PMPCB: variants seen among roughly 807,000 people sequenced by gnomAD.
The protein encoded by PMPCB is peptidase, mitochondrial processing subunit beta.
In PMPCB, 46 loss-of-function variants were observed where a neutral mutation model predicts 61.5. The observed-to-expected ratio is 0.75, with a 90% confidence interval of 0.59 to 0.96. The LOEUF (loss-of-function observed/expected upper bound fraction) is 0.96. PMPCB is among the 40% of genes least tolerant of loss of function. The pLI is 0.00. For missense variants in PMPCB, 590 were observed against 602.4 expected (o/e 0.98, Z 0.22); for synonymous variants, 191 against 201.6 (o/e 0.95, Z 0.44).
At chr7:103,327,733 T>C (rs1818782239) in intron 12 of PMPCB, 1 of 1,613,266 alleles carries the variant, frequency 6.2e-7, no homozygotes, top group Non-Finnish European at 8.5e-7. Context: ...GTCTGGGTGA[T>C]GTTTTAAAAC....
At chr7:103,303,768 AT>A in intron 4 of PMPCB, 73 bp from the exon 5 acceptor site, 1 of 1,012,162 alleles carries the variant, frequency 9.9e-7, no homozygotes, top group South Asian at 1.6e-5. Context: ...ATGATTTCTG[AT>A]TTTGGTTTAA....
intron 12 of PMPCB, chr7:103,319,802 T>C (rs1186932415): frequency 3.7e-6 from 6 of 1,614,080 alleles, no homozygotes; most frequent in Middle Eastern, 1.6e-4. Context: ...TCTTCCATCA[T>C]TTTAACCCGC....
chr7:103,325,622 A>G (rs1387668573), intron 12 of PMPCB, among the ~76,000 whole-genome samples: 1 of 152,232 alleles, frequency 6.6e-6, no homozygotes, highest in Non-Finnish European at 1.5e-5. Context: ...GAATCTTTCC[A>G]GGTGGAACTC....
intron 12 of PMPCB, among the ~76,000 whole-genome samples, chr7:103,323,952 T>A (rs796959225): frequency 1.3e-5 from 2 of 152,222 alleles, no homozygotes; most frequent in Non-Finnish European, 2.9e-5. Context: ...TTCGCTAGTC[T>A]GTCAAGTCTG....
intron 7 of PMPCB, 64 bp downstream of exon 7, chr7:103,307,772 G>A: frequency 1.1e-6 from 1 of 875,918 alleles, no homozygotes; most frequent in Non-Finnish European, 1.9e-6. Context: ...TTACACATAA[G>A]TAAACAAAAT....
the PMPCB span, among the ~76,000 whole-genome samples, chr7:103,338,646 T>C: frequency 1.3e-5 from 2 of 151,920 alleles, no homozygotes; most frequent in African/African-American, 4.8e-5. Context: ...GCATGCCAGC[T>C]TACGCCTGTA....
rs370642071 is a variant in PMPCB at position 103,326,517 on chromosome 7, T to C, written c.*1432-2414T>C. ...CAATAAACAAGCCAACAGGGCACTATGATCAAAAGGGATGCCTTAACTTAC... is the reference window on the plus strand; with the variant it reads ...CAATAAACAAGCCAACAGGGCACTACGATCAAAAGGGATGCCTTAACTTAC... On this transcript the variant is annotated intron_variant and NMD_transcript_variant, in intron 12 of 12. Coordinates refer to the PMPCB transcript ENST00000444457. 50 of 1,612,724 alleles carry C rather than the reference T, an allele frequency of 3.1e-5. No homozygotes were observed. In the African/African-American group the frequency reaches 6.3e-4, roughly 20 times the overall value.
At chr7:103,326,771 A>C in intron 12 of PMPCB, 1 of 1,311,944 alleles carries the variant, frequency 7.6e-7, no homozygotes, top group Non-Finnish European at 1.0e-6. Context: ...CTTAAAACAT[A>C]GAAGTCATTA....
chr7:103,315,315 G>GCTCT (rs1409325467), downstream of PMPCB, among the ~76,000 whole-genome samples: 5 of 151,830 alleles, frequency 3.3e-5, no homozygotes, highest in African/African-American at 1.2e-4. Context: ...TTTCATATTT[G>GCTCT]CTAATTATTT....
chr7:103,322,370 A>G (rs897360669), intron 12 of PMPCB: 1 of 926,978 alleles, frequency 1.1e-6, no homozygotes, highest in Non-Finnish European at 1.6e-6. Context: ...AATTATACCA[A>G]CTGGTCATGA....
chr7:103,327,432 T>G (rs1006634944), intron 12 of PMPCB: 13 of 834,050 alleles, frequency 1.6e-5, no homozygotes, highest in African/African-American at 8.6e-5. Flanking sequence ...TGAGACTGCA[T>G]TTCTAATAAG....
chr7:103,300,161 T>C lies in PMPCB; in HGVS notation c.328-17T>C. 1.2e-6 allele frequency: 2 copies of C among 1,604,608 alleles called. No individual in the cohort carries two copies. The highest frequency in any genetic ancestry group is 1.7e-6 in the Non-Finnish European group (2 of 1,175,698). ...AAAGGGAGTTTGCATAATTTGTTTT[T>C]CCTCTTTTATTTCAAGGGCACCAAG... On this transcript the variant is annotated splice_polypyrimidine_tract_variant and intron_variant, in intron 3 of 12. Coordinates refer to ENST00000249269, the MANE Select transcript of PMPCB (RefSeq NM_004279.3).
chr7:103,312,122 G>A lies in PMPCB; in HGVS notation c.1396G>A (p.Ala466Thr). The A allele has an allele frequency of 6.2e-7, 1 of 1,614,056 alleles. No individual in the cohort carries two copies. The change falls in exon 12 of 13, where the codon GCT becomes ACT. Residue 466 changes from alanine (A) to threonine (T), a missense_variant. Physicochemically the swap from Ala to Thr is moderately conservative, Grantham distance 58. Coordinates refer to ENST00000249269, the MANE Select transcript of PMPCB (RefSeq NM_004279.3). ...CATTTATAATAGGAGTCCAGCTATT[G>A]CTGCTGTTGGTAAGCCTGGCTTCTT... is the stretch of plus-strand genomic sequence containing the variant. ...KYIYNRSPAI[A>T]AVGPIKQLPD...
chr7:103,343,946 G>T, the PMPCB span, among the ~76,000 whole-genome samples: 1 of 152,214 alleles, frequency 6.6e-6, no homozygotes, highest in Non-Finnish European at 1.5e-5. Flanking sequence ...CACTGGACCT[G>T]AAGACTCTTA....
chr7:103,300,266 C>T lies in PMPCB; in HGVS notation c.416C>T (p.Thr139Ile), dbSNP rs747613494. ...AATGCCTATACCTCCAGAGAGCAGACTGTATACTATGCCAAAGCATTCTCT... is the reference window on the plus strand; with the variant it reads ...AATGCCTATACCTCCAGAGAGCAGATTGTATACTATGCCAAAGCATTCTCT... Reference protein sequence around the residue: ...HLNAYTSREQTVYYAKAFSKD... With the variant: ...HLNAYTSREQIVYYAKAFSKD... The change falls in exon 4 of 13, where the codon ACT becomes ATT. Residue 139 changes from threonine to isoleucine, a missense_variant. By Grantham distance (89) the Thr-to-Ile change is moderately conservative (BLOSUM62 -1). Coordinates refer to ENST00000249269, the MANE Select transcript of PMPCB (RefSeq NM_004279.3). The T allele has an allele frequency of 1.2e-6, 2 of 1,611,658 alleles. No individual in the cohort carries two copies. The highest frequency in any genetic ancestry group is 1.7e-6 in the Non-Finnish European group (2 of 1,178,136).
rs573633636 is a variant in PMPCB, at chr7:103,306,676, C to T, written c.737-920C>T. 1.4e-4 allele frequency among the ~76,000 whole-genome samples: 21 copies of T among 152,170 alleles called. 1 individual carries two copies. Among genetic ancestry groups the T allele is most frequent in the Middle Eastern group, 6.8e-3 (2 of 294 alleles). On this transcript the variant is annotated intron_variant, in intron 6 of 12. Coordinates refer to ENST00000249269, the MANE Select transcript of PMPCB (RefSeq NM_004279.3). ...TTGGGATTACAGGCGTGAGCCACCA[C>T]ACCAGGCCCTGTTCCTGAGTTCTGA...
intron 12 of PMPCB, among the ~76,000 whole-genome samples, chr7:103,326,955 A>G (rs1818739659): frequency 6.6e-6 from 1 of 152,224 alleles, no homozygotes; most frequent in Non-Finnish European, 1.5e-5. Flanking sequence ...CTCTGGGGAA[A>G]AAGAAATAGC....
the PMPCB span, among the ~76,000 whole-genome samples, chr7:103,346,943 T>TG: frequency 7.2e-5 from 11 of 152,232 alleles, no homozygotes; most frequent in Admixed American, 6.5e-4. Flanking sequence ...TCATGACTAA[T>TG]GCTGCTTATG....
chr7:103,297,762 C>T, intron 1 of PMPCB: 1 of 1,532,946 alleles, frequency 6.5e-7, no homozygotes, highest in Non-Finnish European at 8.7e-7. Flanking sequence ...CTGCTAGTGA[C>T]GTGTGGGATG....
Sources: gnomAD v4.1 joint callset for allele counts (sites outside exome capture counted in the v4.1 genomes callset) on GRCh38, gnomAD v4.1.1 for gene constraint, MANE v1.5 for transcripts, NCBI Gene and HGNC (gene_info 2026-07-23, HGNC 2026-07-21) for gene names.